PRH1: variants seen among roughly 807,000 people sequenced by gnomAD.
PRH1 encodes proline rich protein HaeIII subfamily 1.
In PRH1, 7 loss-of-function variants were observed where a neutral mutation model predicts 7.9. The observed-to-expected ratio is 0.89, with a 90% CI of 0.50 to 1.67. PRH1 has a LOEUF of 1.67. Among genes scored for constraint, PRH1 ranks in the 40% most tolerant of loss-of-function variants. The probability of loss-of-function intolerance (pLI) is 0.00; values close to 1 mark genes in which losing one functional copy is unlikely to be tolerated. For synonymous variants in PRH1, 45 were observed against 80.8 expected (o/e 0.56, Z 2.38); for missense variants, 109 against 223.6 (o/e 0.49, Z 3.27).
At chr12:11,100,149 A>G (rs1945192946) in intron 1 of PRH1, among the ~76,000 whole-genome samples, 1 of 152,190 alleles carries the variant, frequency 6.6e-6, no homozygotes, top group Admixed American at 6.5e-5. Context: ...TTAAAATTAT[A>G]ATGCACACTT....
chr12:11,008,418 G>C (rs1308089510), intron 1 of PRH1, among the ~76,000 whole-genome samples: 1 of 151,996 alleles, frequency 6.6e-6, no homozygotes. Context: ...CCATCATGTA[G>C]GGCAAGACAA....
chr12:11,016,050 T>C (rs1203603826), intron 1 of PRH1, among the ~76,000 whole-genome samples: 1 of 152,182 alleles, frequency 6.6e-6, no homozygotes, highest in African/African-American at 2.4e-5. Flanking sequence ...ACTTGGAACT[T>C]CCAGACTGTG....
chr12:11,170,576 A>G (rs555876431), intron 1 of PRH1, among the ~76,000 whole-genome samples: 8 of 152,216 alleles, frequency 5.3e-5, no homozygotes, highest in Non-Finnish European at 1.2e-4. Context: ...AGAGTTTGGA[A>G]GTACAGAGTA....
intron 2 of PRH1, chr12:10,939,097 C>T: frequency 6.2e-7 from 1 of 1,613,900 alleles, no homozygotes; most frequent in South Asian, 1.1e-5. Flanking sequence ...TCTTTCTTCC[C>T]TTGACCCAGT....
At chr12:10,979,838 G>C (rs1299024087) in intron 1 of PRH1, among the ~76,000 whole-genome samples, 6 of 152,144 alleles carry the variant, frequency 3.9e-5, no homozygotes, top group African/African-American at 1.4e-4. Flanking sequence ...GAGAGAAAAC[G>C]TGGACTCTAT....
At chr12:11,140,525 G>A (rs1213751138) in intron 1 of PRH1, among the ~76,000 whole-genome samples, 8 of 152,026 alleles carry the variant, frequency 5.3e-5, no homozygotes, top group Non-Finnish European at 1.0e-4. Context: ...TGTGACCAAC[G>A]TCAAAGAGGA....
chr12:10,992,232 G>T (rs1197778494), intron 1 of PRH1, among the ~76,000 whole-genome samples: 1 of 152,098 alleles, frequency 6.6e-6, no homozygotes, highest in African/African-American at 2.4e-5. Flanking sequence ...CCTTTCTCAA[G>T]CACCTGTAGC....
chr12:10,945,253 G>T (rs1217429040), intron 2 of PRH1, among the ~76,000 whole-genome samples: 1 of 152,064 alleles, frequency 6.6e-6, no homozygotes, highest in Non-Finnish European at 1.5e-5. Flanking sequence ...GTCTGTGCAG[G>T]GAACAAATTT....
chr12:11,013,358 T>A (rs1941147636), intron 1 of PRH1, among the ~76,000 whole-genome samples: 2 of 152,122 alleles, frequency 1.3e-5, no homozygotes, highest in African/African-American at 4.8e-5. Context: ...GAATTAATCA[T>A]TTTTTCAACA....
At chr12:11,012,707 C>T (rs1441675404) in intron 1 of PRH1, among the ~76,000 whole-genome samples, 1 of 152,018 alleles carries the variant, frequency 6.6e-6, no homozygotes, top group Non-Finnish European at 1.5e-5. Flanking sequence ...TGGGCGTGCA[C>T]CAACACAGCC....
At chr12:10,882,077 A>G (rs1949409769) in intron 3 of PRH1, 140 bp downstream of exon 3, 2 of 1,493,330 alleles carry the variant, frequency 1.3e-6, no homozygotes, top group South Asian at 2.7e-5. Context: ...ACTCTATACA[A>G]GAATATCTGA....
chr12:10,920,522 A>G (rs1950031408), intron 2 of PRH1, among the ~76,000 whole-genome samples: 1 of 152,154 alleles, frequency 6.6e-6, no homozygotes, highest in African/African-American at 2.4e-5. Context: ...CTTATTTGTA[A>G]TAAGAAAGGG....
chr12:11,098,560 T>C (rs1945131241), intron 1 of PRH1, among the ~76,000 whole-genome samples: 1 of 152,222 alleles, frequency 6.6e-6, no homozygotes, highest in African/African-American at 2.4e-5. Flanking sequence ...GTTTAGCAAC[T>C]TCAGTTGTTT....
chr12:11,071,416 AG>A (rs1345513107), intron 1 of PRH1, among the ~76,000 whole-genome samples: 2 of 152,200 alleles, frequency 1.3e-5, no homozygotes, highest in Non-Finnish European at 2.9e-5. Context: ...GAAGACCAAA[AG>A]TTTTTGCATA....
chr12:11,137,037 C>A (rs1337294573), intron 1 of PRH1, among the ~76,000 whole-genome samples: 1 of 152,126 alleles, frequency 6.6e-6, no homozygotes, highest in Admixed American at 6.6e-5. Flanking sequence ...TTGGAAGAAA[C>A]CGGAAATTGA....
chr12:10,997,315 T>C (rs1940319596), intron 1 of PRH1: 1 of 1,613,978 alleles, frequency 6.2e-7, no homozygotes, highest in Non-Finnish European at 8.5e-7. Context: ...TCAGAGTGAA[T>C]GGTATCAAGT....
chr12:10,972,928 A>ATCCCCCCCCCCCCCCCCC (rs1555119295), intron 2 of PRH1, among the ~76,000 whole-genome samples: 2 of 100,328 alleles, frequency 2.0e-5, no homozygotes, highest in African/African-American at 3.8e-5. Flanking sequence ...AAGCACCACA[A>ATCCCCCCCCCCCCCCCCC]CCCACCCCCC....
intron 2 of PRH1, among the ~76,000 whole-genome samples, chr12:10,898,662 A>G (rs970001766): frequency 6.6e-6 from 1 of 152,226 alleles, no homozygotes; most frequent in Non-Finnish European, 1.5e-5. Context: ...AGTTGCAAAT[A>G]TAAGTAGAGA....
chr12:11,089,606 T>C (rs915825993), intron 1 of PRH1, among the ~76,000 whole-genome samples: 10,662 of 71,524 alleles, frequency 0.15, 471 homozygotes, highest in Non-Finnish European at 0.21. Context: ...AAATAAATGT[T>C]AGCACTTTAA....
Sources: allele counts gnomAD v4.1 joint callset (sites outside exome capture counted in the v4.1 genomes callset), GRCh38; gene constraint gnomAD v4.1.1; transcripts MANE v1.5; gene names NCBI Gene and HGNC (gene_info 2026-07-23, HGNC 2026-07-21).